KAT14: variants seen among roughly 807,000 people sequenced by gnomAD.
KAT14 encodes cysteine-rich protein 2-binding protein.
In KAT14, 66 loss-of-function variants were observed where a neutral mutation model predicts 78.4. That is an observed-to-expected ratio of 0.84 (90% CI 0.69 to 1.03). KAT14 has a LOEUF of 1.03. Among genes scored for constraint, KAT14 ranks in the 50% least tolerant of loss-of-function variants. KAT14 has a pLI of 0.00. For missense variants in KAT14, 870 were observed against 972.5 expected (o/e 0.89, Z 1.40); for synonymous variants, 344 against 359.4 (o/e 0.96, Z 0.48).
At chr20:18,164,756 A>G (rs1364496008) in intron 7 of KAT14, among the ~76,000 whole-genome samples, 5 of 151,454 alleles carry the variant, frequency 3.3e-5, no homozygotes, top group African/African-American at 1.2e-4. Context: ...AGCTGGTACT[A>G]TAGGCACACA....
At chr20:18,184,525 G>A in intron 9 of KAT14, 77 bp from the exon 10 acceptor site, 10 of 877,622 alleles carry the variant, frequency 1.1e-5, no homozygotes, top group Non-Finnish European at 1.7e-5. Flanking sequence ...GTAGCTATAT[G>A]TACATGCTGA....
At chr20:18,137,740 G>C (rs1314413322), upstream of KAT14, 1 of 458,920 alleles carries the variant, frequency 2.2e-6, no homozygotes, top group Non-Finnish European at 3.8e-6. Flanking sequence ...GTGTGCAGGA[G>C]GCCCCTAGTG....
chr20:18,181,144 TA>T (rs934081759), intron 7 of KAT14, among the ~76,000 whole-genome samples: 2 of 152,110 alleles, frequency 1.3e-5, no homozygotes, highest in African/African-American at 2.4e-5. Flanking sequence ...TCTAATGAGT[TA>T]AAAAAAATTT....
chr20:18,142,423 C>T lies in KAT14; in HGVS notation c.-238C>T. Reference sequence around the variant, plus strand: ...GTGTGTGTGTGTTGATGGAGAGTAGCTTAGTAGTATCTTCATCTTTTTTTT... The same window carrying T: ...GTGTGTGTGTGTTGATGGAGAGTAGTTTAGTAGTATCTTCATCTTTTTTTT... On this transcript the variant is annotated 5_prime_UTR_variant, in exon 2 of 11. Transcript: ENST00000688188. 1 of 1,477,490 alleles carries T rather than the reference C, an allele frequency of 6.8e-7. No individual in the cohort carries two copies. The highest frequency in any genetic ancestry group is 8.9e-7 in the Non-Finnish European group (1 of 1,120,498). The allele number at this position is 1,477,490 out of a possible 1,614,324, so 91.5% of individuals were successfully genotyped here. A position where few individuals can be genotyped will look rare whatever the true frequency, so the allele number is the denominator to read the frequency against.
Position 18,182,129 on chromosome 20 carries a change from A to AT in KAT14, c.1805+293dup, listed in dbSNP as rs1283869719. On this transcript the variant is annotated intron_variant, in intron 8 of 10. Transcript: ENST00000688188. ...AATCATTGTTTTATTTATTATTATT[A>AT]TTTTTTTTTTGAGACAGACTCTTGC... 4.2e-4 allele frequency among the ~76,000 whole-genome samples: 63 copies of AT among 150,808 alleles called. 1 individual carries two copies. Among genetic ancestry groups the AT allele is most frequent in the Admixed American group, 1.8e-3 (28 of 15,182 alleles).
Position 18,162,614 on chromosome 20 carries a change from C to CCT in KAT14, c.1337_1338insCT (p.Gln447PhefsTer17). 1 of 1,614,144 alleles carries CCT rather than the reference C, an allele frequency of 6.2e-7. No individual in the cohort carries two copies. Among genetic ancestry groups the CCT allele is most frequent in the Non-Finnish European group, 8.5e-7 (1 of 1,180,006 alleles). On this transcript the variant is annotated frameshift_variant, in exon 7 of 11. Transcript: ENST00000688188. LOFTEE classifies it high-confidence loss of function. ...ACAAGGGCTAGAGAAAAGAGGAAGC[C>CCT]TCAGCTGGAGAAGGACACAAAGCCG...
At chr20:18,141,897 T>TC in intron 1 of KAT14, among the ~76,000 whole-genome samples, 1 of 151,082 alleles carries the variant, frequency 6.6e-6, no homozygotes, top group East Asian at 1.9e-4. Flanking sequence ...AAAAAATAAA[T>TC]AAAAAAAAAT....
At chr20:18,185,210 A>G (rs1369367814) in intron 10 of KAT14, among the ~76,000 whole-genome samples, 1 of 152,188 alleles carries the variant, frequency 6.6e-6, no homozygotes, top group African/African-American at 2.4e-5. Context: ...AACTGTATCA[A>G]TAAGAATATG....
chr20:18,175,039 GC>G, intron 7 of KAT14, among the ~76,000 whole-genome samples: 1 of 151,960 alleles, frequency 6.6e-6, no homozygotes, highest in South Asian at 2.1e-4. Flanking sequence ...AGTGTTTTCA[GC>G]TACCTTTGCT....
intron 7 of KAT14, among the ~76,000 whole-genome samples, chr20:18,169,111 A>G (rs1160606106): frequency 6.6e-5 from 10 of 151,802 alleles, no homozygotes; most frequent in Non-Finnish European, 1.5e-4. Context: ...ATCAAAGGCA[A>G]CCTTTATATT....
intron 4 of KAT14, among the ~76,000 whole-genome samples, chr20:18,152,840 T>G (rs1408916235): frequency 6.6e-6 from 1 of 152,236 alleles, no homozygotes; most frequent in Non-Finnish European, 1.5e-5. Context: ...TCATTGCGCT[T>G]TGAGTTTGCT....
intron 4 of KAT14, among the ~76,000 whole-genome samples, chr20:18,151,410 T>C (rs2038034679): frequency 6.6e-6 from 1 of 151,948 alleles, no homozygotes; most frequent in Non-Finnish European, 1.5e-5. Flanking sequence ...TTGGCCAGGC[T>C]GGTCTTGAAC....
intron 4 of KAT14, among the ~76,000 whole-genome samples, chr20:18,155,546 G>A (rs551256304): frequency 1.1e-4 from 16 of 152,232 alleles, no homozygotes; most frequent in African/African-American, 3.9e-4. Context: ...GGCAGCCATT[G>A]TTGTTATAGC....
rs1241556794 is a variant in KAT14, at chr20:18,162,044, A to AT, written c.906dup (p.Leu303SerfsTer8). The stretch of plus-strand genomic sequence containing the variant: ...AAGCCGAGGCCGCAGGCCAGATGTG[A>AT]TTCTGGAAAAAGGCGAAGTGATTGA... On this transcript the variant is annotated frameshift_variant, in exon 6 of 11. Coordinates refer to ENST00000688188, the MANE Select transcript of KAT14 (RefSeq NM_001392073.1). LOFTEE classifies it high-confidence loss of function. 6.2e-7 allele frequency: 1 copy of AT among 1,614,210 alleles called. No individual in the cohort carries two copies. Among genetic ancestry groups the AT allele is most frequent in the East Asian group, 2.2e-5 (1 of 44,882 alleles).
At chr20:18,152,103 T>C (rs530762160) in intron 4 of KAT14, among the ~76,000 whole-genome samples, 6 of 152,170 alleles carry the variant, frequency 3.9e-5, no homozygotes, top group Non-Finnish European at 8.8e-5. Context: ...ATGAGACTGT[T>C]CAAGAGTTGG....
intron 7 of KAT14, among the ~76,000 whole-genome samples, chr20:18,169,703 T>C (rs555169875): frequency 6.6e-6 from 1 of 152,370 alleles, no homozygotes; most frequent in East Asian, 1.9e-4. Flanking sequence ...GGAAGAGTTA[T>C]ACTTCTCTCA....
rs374576220 is a variant in KAT14 at position 18,183,225 on chromosome 20, T to C, written c.1908T>C (p.Pro636=). 1.1e-5 allele frequency: 17 copies of C among 1,613,942 alleles called. No homozygotes were observed. The highest frequency in any genetic ancestry group is 1.4e-5 in the Non-Finnish European group (17 of 1,180,014). ...ACTGGACGCCGGAGCCCGACGCACCTCTCGATTACTGTTATGTGCGGCCAA... is the reference window on the plus strand; with the variant it reads ...ACTGGACGCCGGAGCCCGACGCACCCCTCGATTACTGTTATGTGCGGCCAA... ...DPHWTPEPDA[P]LDYCYVRPNH... The change falls in exon 9 of 11, where the codon CCT becomes CCC. Residue 636 remains proline, a synonymous_variant. Transcript: ENST00000688188.
At position 18,142,502 on chromosome 20, in the gene KAT14, T is replaced by TA; in HGVS notation, c.-158dup. 2 of 1,457,292 alleles carry TA rather than the reference T, an allele frequency of 1.4e-6. No homozygotes were observed. Among genetic ancestry groups the TA allele is most frequent in the South Asian group, 2.9e-5 (2 of 67,812 alleles). 90.3% of individuals were successfully genotyped at this position (1,457,292 alleles called of 1,614,324 possible). A position where few individuals can be genotyped will look rare whatever the true frequency, so the allele number is the denominator to read the frequency against. On this transcript the variant is annotated 5_prime_UTR_variant, in exon 2 of 11. Transcript: ENST00000688188. The stretch of plus-strand genomic sequence containing the variant: ...ATAAAGGACAGTGGGTCATATAAGT[T>TA]ACTGCTTTCAGGGTCCCTTATATCT...
chr20:18,145,654 C>T (rs2037799400), intron 3 of KAT14, among the ~76,000 whole-genome samples: 2 of 151,894 alleles, frequency 1.3e-5, no homozygotes, highest in South Asian at 4.2e-4. Context: ...GGTGGTGGGC[C>T]CCTGTAATCC....
Sources: allele counts gnomAD v4.1 joint callset (sites outside exome capture counted in the v4.1 genomes callset), GRCh38; gene constraint gnomAD v4.1.1; transcripts MANE v1.5; gene names NCBI Gene and HGNC (gene_info 2026-07-23, HGNC 2026-07-21).